C10orf90: variants seen among roughly 807,000 people sequenced by gnomAD.
The protein encoded by C10orf90 is chromosome 10 open reading frame 90, also known as (E2-independent) E3 ubiquitin-conjugating enzyme FATS.
A neutral mutation model predicts 62.5 loss-of-function variants in C10orf90; 56 were observed. That is an observed-to-expected ratio of 0.90 (90% CI 0.72 to 1.12). The LOEUF is 1.12. Ranked by LOEUF, C10orf90 falls within the 50% of genes most tolerant of loss-of-function variation. The pLI, the probability that C10orf90 is intolerant of heterozygous loss-of-function variation, is 0.00. For missense variants in C10orf90, 970 were observed against 880.4 expected (o/e 1.10, Z -1.29); for synonymous variants, 386 against 340.4 (o/e 1.13, Z -1.47).
At chr10:126,455,613 G>A (rs956994433) in intron 7 of C10orf90, among the ~76,000 whole-genome samples, 40 of 152,222 alleles carry the variant, frequency 2.6e-4, no homozygotes, top group Middle Eastern at 3.2e-3. Context: ...GGTGGCACCC[G>A]GGTGAGGAGA....
chr10:126,508,158 T>TGAGTGAGAGA (rs1554903861), intron 3 of C10orf90, among the ~76,000 whole-genome samples: 1 of 131,468 alleles, frequency 7.6e-6, no homozygotes, highest in Non-Finnish European at 1.6e-5. Context: ...AATGAGTGAG[T>TGAGTGAGAGA]GAGAGAGAGA....
chr10:126,471,776 G>A (rs1259725943), intron 4 of C10orf90, among the ~76,000 whole-genome samples: 1 of 151,878 alleles, frequency 6.6e-6, no homozygotes, highest in African/African-American at 2.4e-5. Context: ...TATATAGAAA[G>A]GACTGGATAA....
chr10:126,512,140 G>A (rs1264142073), intron 3 of C10orf90: 1 of 151,980 alleles, frequency 6.6e-6, no homozygotes, highest in African/African-American at 2.4e-5. Flanking sequence ...AGGGAAATTC[G>A]AGTCACCTAC....
intron 1 of C10orf90, among the ~76,000 whole-genome samples, chr10:126,652,206 C>T (rs1328841897): frequency 6.6e-6 from 1 of 152,200 alleles, no homozygotes; most frequent in East Asian, 1.9e-4. Context: ...TACCATGATT[C>T]CCTCTTCATG....
intron 2 of C10orf90, among the ~76,000 whole-genome samples, chr10:126,638,344 C>G (rs190020970): frequency 1.3e-5 from 2 of 152,224 alleles, no homozygotes; most frequent in African/African-American, 4.8e-5. Context: ...CATTCCCAGT[C>G]ACCAAAATGT....
At chr10:126,617,414 C>A (rs557508899) in intron 2 of C10orf90, among the ~76,000 whole-genome samples, 2 of 152,340 alleles carry the variant, frequency 1.3e-5, no homozygotes, top group Admixed American at 1.3e-4. Context: ...TAAATACCTG[C>A]TCAGGGATAC....
intron 1 of C10orf90, among the ~76,000 whole-genome samples, chr10:126,660,941 G>A (rs775486206): frequency 9.2e-5 from 14 of 152,172 alleles, no homozygotes; most frequent in Non-Finnish European, 1.5e-4. Flanking sequence ...CCATGATTTT[G>A]GAAACACTTA....
At chr10:126,653,148 G>C (rs1846324066) in intron 1 of C10orf90, among the ~76,000 whole-genome samples, 1 of 152,224 alleles carries the variant, frequency 6.6e-6, no homozygotes, top group African/African-American at 2.4e-5. Context: ...ACAGCTGCCA[G>C]CTGATCAGGG....
At chr10:126,499,456 C>T (rs941133515) in intron 4 of C10orf90, among the ~76,000 whole-genome samples, 10 of 152,180 alleles carry the variant, frequency 6.6e-5, no homozygotes, top group Admixed American at 6.5e-4. Flanking sequence ...CTTCTGGTCC[C>T]TCTAGTAAAA....
intron 2 of C10orf90, among the ~76,000 whole-genome samples, chr10:126,546,013 G>T (rs959374420): frequency 6.6e-6 from 1 of 152,112 alleles, no homozygotes; most frequent in Non-Finnish European, 1.5e-5. Flanking sequence ...ATGACATGGT[G>T]ACGAATTCCC....
intron 4 of C10orf90, among the ~76,000 whole-genome samples, chr10:126,494,660 A>G (rs1300303844): frequency 6.6e-6 from 1 of 152,260 alleles, no homozygotes; most frequent in Non-Finnish European, 1.5e-5. Context: ...CCTTGCATGC[A>G]AATGTTTCAC....
chr10:126,583,242 A>G (rs915894746), intron 2 of C10orf90, among the ~76,000 whole-genome samples: 8 of 152,230 alleles, frequency 5.3e-5, no homozygotes, highest in Non-Finnish European at 1.2e-4. Context: ...GTATGTGCAC[A>G]TATGTGCTGT....
intron 2 of C10orf90, among the ~76,000 whole-genome samples, chr10:126,553,026 TA>T (rs1440715292): frequency 6.6e-6 from 1 of 151,986 alleles, no homozygotes; most frequent in Non-Finnish European, 1.5e-5. Context: ...TCCACATAAA[TA>T]ATAGACCTAA....
chr10:126,505,864 G>A (rs1862701835), intron 3 of C10orf90, among the ~76,000 whole-genome samples: 1 of 152,210 alleles, frequency 6.6e-6, no homozygotes, highest in Non-Finnish European at 1.5e-5. Context: ...TGAGGCAGGA[G>A]AATCGCTTGA....
At chr10:126,441,762 G>T (rs1016085653) in intron 7 of C10orf90, among the ~76,000 whole-genome samples, 6 of 152,194 alleles carry the variant, frequency 3.9e-5, no homozygotes, top group African/African-American at 1.4e-4. Flanking sequence ...TATCAGCCAA[G>T]AATTTTGTAT....
At chr10:126,506,952 G>A (rs1862774209) in intron 3 of C10orf90, among the ~76,000 whole-genome samples, 1 of 152,114 alleles carries the variant, frequency 6.6e-6, no homozygotes. Flanking sequence ...GTGCGTGCGT[G>A]TGTGATCTTA....
At chr10:126,621,324 T>C (rs985657484) in intron 2 of C10orf90, among the ~76,000 whole-genome samples, 2 of 152,266 alleles carry the variant, frequency 1.3e-5, no homozygotes, top group Non-Finnish European at 2.9e-5. Flanking sequence ...CTTTTTGTTC[T>C]TTGTACATTG....
At chr10:126,526,976 A>G (rs919929911) in intron 2 of C10orf90, among the ~76,000 whole-genome samples, 3 of 152,198 alleles carry the variant, frequency 2.0e-5, no homozygotes, top group African/African-American at 7.2e-5. Flanking sequence ...CAGCTGATGG[A>G]CACTTGAGTT....
At chr10:126,594,898 C>T (rs961352935) in intron 2 of C10orf90, among the ~76,000 whole-genome samples, 1 of 152,034 alleles carries the variant, frequency 6.6e-6, no homozygotes, top group Non-Finnish European at 1.5e-5. Context: ...TTGGCATGCC[C>T]GTGGGTCTGG....
Sources: allele counts gnomAD v4.1 joint callset (sites outside exome capture counted in the v4.1 genomes callset), GRCh38; gene constraint gnomAD v4.1.1; transcripts MANE v1.5; gene names NCBI Gene and HGNC (gene_info 2026-07-23, HGNC 2026-07-21).